PDE4C: variants seen among roughly 807,000 people sequenced by gnomAD.
The protein encoded by PDE4C is phosphodiesterase 4C, also known as 3',5'-cyclic-AMP phosphodiesterase 4C.
PDE4C carries 50 observed loss-of-function variants against 63.9 expected under a neutral mutation model. That is an observed-to-expected ratio of 0.78 (90% CI 0.62 to 0.99). The LOEUF (loss-of-function observed/expected upper bound fraction) is 0.99, where lower values mean the gene tolerates loss of function less well. Among genes scored for constraint, PDE4C ranks in the 50% least tolerant of loss-of-function variants. The pLI is 0.00. For missense variants in PDE4C, 777 were observed against 899.1 expected, an observed-to-expected ratio of 0.86 and a Z score of 1.74; for synonymous variants, 377 against 385.1, an observed-to-expected ratio of 0.98 and a Z score of 0.25.
chr19:18,211,172 C>T (rs1171132382), exon 15 of PDE4C: 1 of 1,614,154 alleles, frequency 6.2e-7, no homozygotes, highest in Non-Finnish European at 8.5e-7. Flanking sequence ...TCTGGTACCA[C>T]TCTCGATTGT....
chr19:18,248,263 C>A (rs759523436), upstream of PDE4C: 3 of 455,474 alleles, frequency 6.6e-6, no homozygotes, highest in Admixed American at 4.7e-5. Flanking sequence ...AGGCCCAGGG[C>A]TCCCTCAACA....
chr19:18,232,243 T>C (rs1323978564), intron 1 of PDE4C, among the ~76,000 whole-genome samples: 3 of 152,010 alleles, frequency 2.0e-5, no homozygotes, highest in South Asian at 2.1e-4. Flanking sequence ...TATGCCCCTG[T>C]AGTCCCAGCT....
chr19:18,222,127 C>T lies in PDE4C; in HGVS notation c.338+5G>A. ...GCGGTGTCATCCCACCAGCCCCAGA[C>T]TCACAGGTCGCTGGCCACAGAGGAG... On this transcript the variant is annotated splice_donor_5th_base_variant and intron_variant, in intron 2 of 14. Transcript: ENST00000262805. The T allele has an allele frequency of 6.2e-7, 1 of 1,604,722 alleles. No individual in the cohort carries two copies. The highest frequency in any genetic ancestry group is 8.5e-7 in the Non-Finnish European group (1 of 1,172,522).
intron 12 of PDE4C, among the ~76,000 whole-genome samples, chr19:18,216,463 C>T (rs1483907178): frequency 1.3e-5 from 2 of 149,340 alleles, no homozygotes; most frequent in Non-Finnish European, 3.0e-5. Flanking sequence ...TTAGTAGAGA[C>T]GAGGTTTCAC....
At chr19:18,210,918 C>T (rs1294649536) in exon 15 of PDE4C, 1 of 1,584,914 alleles carries the variant, frequency 6.3e-7, no homozygotes, top group South Asian at 1.2e-5. Context: ...GCAGTTCACG[C>T]AGGGCTGGCC....
At chr19:18,228,396 G>T (rs189948024), upstream of PDE4C, among the ~76,000 whole-genome samples, 1 of 152,152 alleles carries the variant, frequency 6.6e-6, no homozygotes, top group South Asian at 2.1e-4. Context: ...ACAAAGTGTG[G>T]ACTACTATTC....
exon 1 of PDE4C, chr19:18,226,363 C>A: frequency 1.3e-6 from 2 of 1,501,828 alleles, no homozygotes; most frequent in Non-Finnish European, 8.9e-7. Flanking sequence ...GCGCGGGGAT[C>A]CCCGAGGGGA....
chr19:18,222,159 G>C, exon 2 of PDE4C: 1 of 1,613,726 alleles, frequency 6.2e-7, no homozygotes, highest in Non-Finnish European at 8.5e-7. Context: ...GGAGTTCCGA[G>C]ACATGGCCTT....
Position 18,220,143 on chromosome 19 carries a change from G to T in PDE4C, c.706+83C>A. 9.0e-7 allele frequency: 1 copy of T among 1,111,402 alleles called. No homozygotes were observed. Among genetic ancestry groups the T allele is most frequent in the Non-Finnish European group, 1.4e-6 (1 of 731,166 alleles). The allele number at this position is 1,111,402 out of a possible 1,614,324, so 68.8% of individuals were successfully genotyped here. The stretch of plus-strand genomic sequence containing the variant: ...TCTGTGTCTGGCTGTATCTCCCCCA[G>T]ACTGAGGTCTATCATAGGAATCTTT... On this transcript the variant is annotated intron_variant, in intron 7 of 14. Transcript: ENST00000262805. The surrounding 1 kb of genome is among the most constrained non-coding windows in gnomAD (Gnocchi z 5.1).
chr19:18,210,184 G>A (rs1318806484), downstream of PDE4C: 5 of 151,700 alleles, frequency 3.3e-5, no homozygotes, highest in African/African-American at 1.2e-4. Flanking sequence ...CACCATGCCT[G>A]GCTAATTTTT....
chr19:18,221,223 C>CGGAGGGGGTCAGGGCAG, intron 3 of PDE4C, 38 bp downstream of exon 3: 1 of 1,084,622 alleles, frequency 9.2e-7, no homozygotes, highest in Non-Finnish European at 1.3e-6. Flanking sequence ...AGGCCGGATC[C>CGGAGGGGGTCAGGGCAG]GGAGGGGGTC....
chr19:18,220,395 C>T lies in PDE4C; in HGVS notation c.612+8G>A. On this transcript the variant is annotated splice_region_variant and intron_variant, in intron 6 of 14. Transcript: ENST00000262805. This position sits in a 1 kb window ranked among gnomAD's most constrained non-coding sequence, Gnocchi z 5.1. ...GGCAGGTGAGCTCAGCGATCTGCCC[C>T]ACCTCACCTTGTTGGAGGCCATCTC... is the stretch of plus-strand genomic sequence containing the variant. 1 of 1,613,422 alleles carries T rather than the reference C, an allele frequency of 6.2e-7. No individual in the cohort carries two copies. The highest frequency in any genetic ancestry group is 8.5e-7 in the Non-Finnish European group (1 of 1,179,354).
chr19:18,233,250 C>T, exon 1 of PDE4C: 3 of 1,540,848 alleles, frequency 1.9e-6, no homozygotes, highest in Non-Finnish European at 2.6e-6. Context: ...TGAGCGGGCG[C>T]CGAGGAGCGT....
chr19:18,226,645 G>T (rs1271290751), upstream of PDE4C, among the ~76,000 whole-genome samples: 3 of 125,440 alleles, frequency 2.4e-5, no homozygotes, highest in African/African-American at 6.1e-5. Context: ...TCGCTGTGTT[G>T]CCCAGGCTGG....
At chr19:18,227,126 C>G (rs1304081304), upstream of PDE4C, among the ~76,000 whole-genome samples, 1 of 152,170 alleles carries the variant, frequency 6.6e-6, no homozygotes, top group East Asian at 1.9e-4. Context: ...TCCGATCCCA[C>G]GCAATGTTTC....
chr19:18,231,488 C>T (rs1336105729), intron 1 of PDE4C, among the ~76,000 whole-genome samples: 1 of 152,170 alleles, frequency 6.6e-6, no homozygotes, highest in Non-Finnish European at 1.5e-5. Context: ...AGAACAGCTC[C>T]AACCCCTCTG....
chr19:18,212,473 C>CTTTT (rs368839228), intron 13 of PDE4C, among the ~76,000 whole-genome samples: 3 of 131,958 alleles, frequency 2.3e-5, no homozygotes, highest in East Asian at 2.3e-4. Context: ...CTGAGCCCAG[C>CTTTT]TTTTTTTTTT....
exon 1 of PDE4C, chr19:18,226,390 G>A (rs1230657021): frequency 1.4e-6 from 2 of 1,457,250 alleles, no homozygotes; most frequent in East Asian, 5.6e-5. Flanking sequence ...CCCGGGGACC[G>A]GGGCGGGCGC....
At chr19:18,216,270 T>G (rs1168889276) in intron 12 of PDE4C, among the ~76,000 whole-genome samples, 1 of 151,154 alleles carries the variant, frequency 6.6e-6, no homozygotes, top group Non-Finnish European at 1.5e-5. Flanking sequence ...CCTTTTTTTT[T>G]TTTTTTGAGA....
Sources: gnomAD v4.1 joint callset for allele counts (sites outside exome capture counted in the v4.1 genomes callset) on GRCh38, gnomAD v4.1.1 for gene constraint, Gnocchi (gnomAD v3.1) non-coding constraint, MANE v1.5 for transcripts, NCBI Gene and HGNC (gene_info 2026-07-23, HGNC 2026-07-21) for gene names.